TRUB2: variants seen among roughly 807,000 people sequenced by gnomAD.
TRUB2 encodes TruB pseudouridine synthase family member 2, also known as pseudouridylate synthase TRUB2, mitochondrial.
TRUB2 carries 31 observed loss-of-function variants against 31.9 expected under a neutral mutation model. The ratio of observed to expected loss-of-function variants is 0.97; its 90% CI spans 0.73 to 1.31. TRUB2 has a LOEUF of 1.31. TRUB2 is among the 50% of genes most tolerant of loss of function. The pLI is 0.00. For missense variants in TRUB2, 451 were observed against 439.6 expected, an observed-to-expected ratio of 1.03 and a Z score of -0.23; for synonymous variants, 201 against 182.6, an observed-to-expected ratio of 1.10 and a Z score of -0.81.
Position 128,308,282 on chromosome 9 carries a change from C to T in TRUB2, c.*1268G>A, listed in dbSNP as rs906686095. 1 of 151,760 alleles carries T rather than the reference C, an allele frequency of 6.6e-6. No homozygotes were observed. Among genetic ancestry groups the T allele is most frequent in the Non-Finnish European group, 1.5e-5 (1 of 68,090 alleles). The allele number at this position is 151,760 out of a possible 1,614,324, so 9.4% of individuals were successfully genotyped here. A position where few individuals can be genotyped will look rare whatever the true frequency, so the allele number is the denominator to read the frequency against. On this transcript the variant is annotated 3_prime_UTR_variant, in exon 8 of 8. Coordinates refer to ENST00000372890, the MANE Select transcript of TRUB2 (RefSeq NM_015679.3). ...GGTGTGGTGGCTCACGGCTGTAATC[C>T]CAGTACTTTGGGAGGCCAAGCCAGG... is the stretch of plus-strand genomic sequence containing the variant.
intron 6 of TRUB2, 174 bp downstream of exon 6, chr9:128,311,350 GCCAAC>G (rs1437134770): frequency 5.8e-6 from 4 of 695,192 alleles, no homozygotes; most frequent in Non-Finnish European, 9.7e-6. Context: ...CCTCCCGTTG[GCCAAC>G]CCAAGACCTG....
rs964266151 is a variant in TRUB2, at chr9:128,311,078, A to G, written c.534-55T>C. On this transcript the variant is annotated intron_variant, in intron 6 of 7. Coordinates refer to ENST00000372890, the MANE Select transcript of TRUB2 (RefSeq NM_015679.3). ...GTGGCCCACCTACCCTTTCCCCCAC[A>G]TGAGGTGCCTCTCTGGAAGCTCCTC... 8 of 1,594,066 alleles carry G rather than the reference A, an allele frequency of 5.0e-6. No individual in the cohort carries two copies. The African/African-American group carries it at 9.4e-5, about 19-fold the overall frequency.
chr9:128,322,290 A>T lies in TRUB2; in HGVS notation c.109+10T>A. On this transcript the variant is annotated intron_variant, in intron 1 of 7. Transcript: ENST00000372890. ...AGAGCGGGAACGTGGGTCTGGTTCGAGGCACTCACCCTTCAGAAGTTGTAG... is the reference window on the plus strand; with the variant it reads ...AGAGCGGGAACGTGGGTCTGGTTCGTGGCACTCACCCTTCAGAAGTTGTAG... The T allele has an allele frequency of 6.2e-7, 1 of 1,609,828 alleles. No homozygotes were observed. Among genetic ancestry groups the T allele is most frequent in the Non-Finnish European group, 8.5e-7 (1 of 1,176,124 alleles).
intron 2 of TRUB2, among the ~76,000 whole-genome samples, chr9:128,318,110 A>G (rs1832098545): frequency 6.6e-6 from 1 of 152,010 alleles, no homozygotes. Context: ...TTGGGAGGCC[A>G]AGGTGGGCGG....
At chr9:128,315,725 T>C in intron 3 of TRUB2, 97 bp from the exon 4 acceptor site, 1 of 1,408,000 alleles carries the variant, frequency 7.1e-7, no homozygotes, top group Non-Finnish European at 9.8e-7. Flanking sequence ...CTCCCTTTTC[T>C]GATGCTGCCA....
At chr9:128,321,460 C>T in intron 2 of TRUB2, 139 bp downstream of exon 2, 3 of 1,442,260 alleles carry the variant, frequency 2.1e-6, no homozygotes, top group Middle Eastern at 2.5e-4. Context: ...CCAAGGAAAT[C>T]TGCCAATTCC....
At chr9:128,314,962 G>A (rs1200231744) in intron 4 of TRUB2, among the ~76,000 whole-genome samples, 1 of 152,150 alleles carries the variant, frequency 6.6e-6, no homozygotes, top group African/African-American at 2.4e-5. Flanking sequence ...CTGTCAGAGT[G>A]GTAGAAGCTG....
At position 128,310,893 on chromosome 9, in the gene TRUB2, G is replaced by C; in HGVS notation, c.664C>G (p.Leu222Val). The change falls in exon 7 of 8, where the codon CTC becomes GTC. Residue 222 changes from leucine to valine, a missense_variant. Leu to Val is a conservative substitution (Grantham distance 32, BLOSUM62 1). Transcript: ENST00000372890. ...ACTTCCTTGGCCAACCTACCTAAGA[G>C]GAATTCCGGAGGTGCAAAGTAGAGG... ...RCLYFAPPEFLLEVQCMHETQ... is the reference protein window; with the variant it reads ...RCLYFAPPEFVLEVQCMHETQ... The C allele has an allele frequency of 1.2e-6, 2 of 1,614,184 alleles. No individual in the cohort carries two copies. Among genetic ancestry groups the C allele is most frequent in the Non-Finnish European group, 1.7e-6 (2 of 1,180,014 alleles).
At position 128,306,996 on chromosome 9, in the gene TRUB2, C is replaced by T. The variant is rs559666221; in HGVS notation, c.*2554G>A. ...GGTGGGCCAGGTATGGTGGCTCACGCCTGTAATCCCAGCACTTTGGGAGGC... is the reference window on the plus strand; with the variant it reads ...GGTGGGCCAGGTATGGTGGCTCACGTCTGTAATCCCAGCACTTTGGGAGGC... On this transcript the variant is annotated 3_prime_UTR_variant, in exon 8 of 8. Coordinates refer to ENST00000372890, the MANE Select transcript of TRUB2 (RefSeq NM_015679.3). 1.3e-5 allele frequency: 2 copies of T among 152,164 alleles called. No homozygotes were observed. The highest frequency in any genetic ancestry group is 4.1e-4 in the South Asian group (2 of 4,822). 9.4% of individuals were successfully genotyped at this position (152,164 alleles called of 1,614,324 possible). A position where few individuals can be genotyped will look rare whatever the true frequency, so the allele number is the denominator to read the frequency against.
At chr9:128,317,311 A>G (rs748938154) in intron 2 of TRUB2, 85 bp from the exon 3 acceptor site, 10 of 1,295,744 alleles carry the variant, frequency 7.7e-6, no homozygotes, top group Non-Finnish European at 1.1e-5. Flanking sequence ...TCGTTCTCAG[A>G]ATGGGCCTCA....
chr9:128,315,539 G>A, intron 4 of TRUB2, 28 bp downstream of exon 4: 2 of 1,609,226 alleles, frequency 1.2e-6, no homozygotes, highest in Non-Finnish European at 1.7e-6. Context: ...GACCAAGGGA[G>A]AAGCAGGCTG....
intron 3 of TRUB2, 62 bp from the exon 4 acceptor site, chr9:128,315,690 C>CA (rs1391609795): frequency 1.0e-5 from 16 of 1,546,466 alleles, no homozygotes; most frequent in Non-Finnish European, 1.4e-5. Context: ...TAAGTATCCC[C>CA]ACCCCTACCC....
chr9:128,311,182 G>T, intron 6 of TRUB2, 159 bp from the exon 7 acceptor site: 1 of 1,026,244 alleles, frequency 9.7e-7, no homozygotes, highest in Non-Finnish European at 1.4e-6. Flanking sequence ...GCCTGGTAGA[G>T]TCAGGAAACC....
At chr9:128,321,937 G>A (rs1326463947) in intron 1 of TRUB2, among the ~76,000 whole-genome samples, 3 of 152,170 alleles carry the variant, frequency 2.0e-5, no homozygotes, top group African/African-American at 7.2e-5. Flanking sequence ...GCACCACGAT[G>A]CTGACCAGGA....
Position 128,322,426 on chromosome 9 carries a change from C to A in TRUB2, c.-18G>T, listed in dbSNP as rs772988201. ...GACCCCATACTTGAAGATCACAGCA[C>A]CCGCTGGACCTGGACGGAAGTACCG... On this transcript the variant is annotated 5_prime_UTR_variant, in exon 1 of 8. Coordinates refer to ENST00000372890, the MANE Select transcript of TRUB2 (RefSeq NM_015679.3). 7 of 1,613,136 alleles carry A rather than the reference C, an allele frequency of 4.3e-6. No homozygotes were observed. In the African/African-American group the frequency reaches 5.3e-5, roughly 12 times the overall value.
At chr9:128,319,048 C>T (rs1832115656) in intron 2 of TRUB2, among the ~76,000 whole-genome samples, 1 of 151,024 alleles carries the variant, frequency 6.6e-6, no homozygotes, top group South Asian at 2.1e-4. Context: ...CAGGCATGGC[C>T]GGGCGTGGTG....
chr9:128,310,976 A>G lies in TRUB2; in HGVS notation c.581T>C (p.Val194Ala), dbSNP rs751337165. ...LKTQEAYEMA[V>A]RGLIRPMNKS... ...GTTCATGGGCCGGATCAGGCCTCTCACGGCCATCTCATAGGCCTCCTGGGT... is the reference window on the plus strand; with the variant it reads ...GTTCATGGGCCGGATCAGGCCTCTCGCGGCCATCTCATAGGCCTCCTGGGT... Residue 194 changes from valine (V) to alanine (A), a missense_variant, in exon 7 of 8, where the codon GTG (valine) becomes GCG (alanine). Coordinates refer to ENST00000372890, the MANE Select transcript of TRUB2 (RefSeq NM_015679.3). 1 of 1,614,174 alleles carries G rather than the reference A, an allele frequency of 6.2e-7. No individual in the cohort carries two copies. Among genetic ancestry groups the G allele is most frequent in the Non-Finnish European group, 8.5e-7 (1 of 1,180,026 alleles).
chr9:128,319,222 A>T (rs547568463), intron 2 of TRUB2, among the ~76,000 whole-genome samples: 1 of 151,878 alleles, frequency 6.6e-6, no homozygotes, highest in South Asian at 2.1e-4. Flanking sequence ...GCTACTCGGG[A>T]GGCTGAGGCA....
intron 3 of TRUB2, 77 bp downstream of exon 3, chr9:128,317,075 T>C: frequency 7.4e-7 from 1 of 1,343,958 alleles, no homozygotes; most frequent in Non-Finnish European, 1.0e-6. Flanking sequence ...AGGTAAGAAG[T>C]GGGCTGGGCT....
Sources: gnomAD v4.1 joint callset for allele counts (sites outside exome capture counted in the v4.1 genomes callset) on GRCh38, gnomAD v4.1.1 for gene constraint, MANE v1.5 for transcripts, NCBI Gene and HGNC (gene_info 2026-07-23, HGNC 2026-07-21) for gene names.